The following SNX10 variants were observed in gnomAD, a reference collection of about 807,000 sequenced individuals.
The protein encoded by SNX10 is sorting nexin 10.
SNX10 carries 25 observed loss-of-function variants against 28.5 expected under a neutral mutation model. That is an observed-to-expected ratio of 0.88 (90% CI 0.64 to 1.22). The LOEUF (loss-of-function observed/expected upper bound fraction) is 1.22, where lower values mean the gene tolerates loss of function less well. SNX10 is among the 50% of genes most tolerant of loss of function. The probability of loss-of-function intolerance (pLI) is 0.00; values close to 1 mark genes in which losing one functional copy is unlikely to be tolerated. For missense variants in SNX10, 223 were observed against 242.6 expected (o/e 0.92, Z 0.54); for synonymous variants, 62 against 81.4 (o/e 0.76, Z 1.28).
chr7:26,361,732 G>C (rs1050774108), intron 3 of SNX10, among the ~76,000 whole-genome samples: 22 of 152,210 alleles, frequency 1.4e-4, no homozygotes, highest in African/African-American at 5.1e-4. Context: ...ACTCATTTCT[G>C]CTGTTGCAGG....
chr7:26,319,935 G>A (rs1025359466), intron 1 of SNX10, among the ~76,000 whole-genome samples: 2 of 151,240 alleles, frequency 1.3e-5, no homozygotes, highest in African/African-American at 4.8e-5. Context: ...ATATCTATAT[G>A]TATATATATG....
chr7:26,320,174 G>C (rs927093148), intron 1 of SNX10, among the ~76,000 whole-genome samples: 3 of 151,672 alleles, frequency 2.0e-5, no homozygotes, highest in African/African-American at 7.3e-5. Flanking sequence ...TAGAGACACG[G>C]TTTCACCTTG....
At chr7:26,371,566 A>G (rs1006916178) in intron 5 of SNX10, among the ~76,000 whole-genome samples, 3 of 152,174 alleles carry the variant, frequency 2.0e-5, no homozygotes, top group African/African-American at 7.2e-5. Flanking sequence ...AATTGAAGAA[A>G]TGTCCTTGAA....
intron 2 of SNX10, among the ~76,000 whole-genome samples, chr7:26,350,645 CCT>C (rs1788560653): frequency 6.7e-6 from 1 of 149,460 alleles, no homozygotes. Context: ...ATTTGTTGTT[CCT>C]CTCTCCCTCC....
chr7:26,346,396 C>T (rs896917172), intron 1 of SNX10, 24 bp from the exon 2 acceptor site: 11 of 1,514,986 alleles, frequency 7.3e-6, no homozygotes, highest in Non-Finnish European at 9.2e-6. Flanking sequence ...CCAAATGACC[C>T]AGTGTGGATA....
intron 1 of SNX10, among the ~76,000 whole-genome samples, chr7:26,325,325 A>T (rs1176314172): frequency 8.4e-6 from 1 of 119,092 alleles, no homozygotes; most frequent in Non-Finnish European, 1.8e-5. Flanking sequence ...ATATATATAT[A>T]TATTTGAGAT....
At chr7:26,316,258 A>T (rs931489364) in intron 1 of SNX10, among the ~76,000 whole-genome samples, 1 of 151,984 alleles carries the variant, frequency 6.6e-6, no homozygotes, top group East Asian at 1.9e-4. Flanking sequence ...ACAACTTTGG[A>T]TTCTTGGTCT....
At chr7:26,320,527 G>A (rs529264310) in intron 1 of SNX10, among the ~76,000 whole-genome samples, 2 of 152,104 alleles carry the variant, frequency 1.3e-5, no homozygotes, top group African/African-American at 4.8e-5. Flanking sequence ...TGCTTCCCGG[G>A]TCCAAGTGAT....
chr7:26,336,076 T>C (rs567690537), intron 1 of SNX10, among the ~76,000 whole-genome samples: 2 of 152,324 alleles, frequency 1.3e-5, no homozygotes, highest in Non-Finnish European at 2.9e-5. Flanking sequence ...TGATTTTTTT[T>C]ATTTAAATAG....
At chr7:26,355,431 A>G (rs1265303813) in intron 2 of SNX10, among the ~76,000 whole-genome samples, 1 of 152,166 alleles carries the variant, frequency 6.6e-6, no homozygotes, top group African/African-American at 2.4e-5. Flanking sequence ...TCTCTTTACT[A>G]TGTTGCGTCT....
intron 2 of SNX10, among the ~76,000 whole-genome samples, chr7:26,354,679 C>T (rs114104293): frequency 3.3e-3 from 411 of 125,440 alleles, no homozygotes; most frequent in African/African-American, 0.012. Context: ...CCTCACCCGT[C>T]TGATAGTTTT....
At chr7:26,303,556 C>G (rs910095149) in intron 1 of SNX10, among the ~76,000 whole-genome samples, 2 of 152,200 alleles carry the variant, frequency 1.3e-5, no homozygotes, top group Non-Finnish European at 2.9e-5. Flanking sequence ...CTTTCCTCTA[C>G]TCATCTGGCC....
chr7:26,317,334 C>A (rs1229771739), intron 1 of SNX10, among the ~76,000 whole-genome samples: 3 of 152,062 alleles, frequency 2.0e-5, no homozygotes, highest in African/African-American at 4.8e-5. Context: ...TCCAGCATTG[C>A]CCTTGAGCAC....
chr7:26,354,517 A>G (rs1320367358), intron 2 of SNX10, among the ~76,000 whole-genome samples: 2 of 152,064 alleles, frequency 1.3e-5, no homozygotes, highest in Non-Finnish European at 2.9e-5. Context: ...CACTCAGCTA[A>G]TTTTTAATTA....
At chr7:26,359,625 A>G (rs1428512002) in intron 2 of SNX10, among the ~76,000 whole-genome samples, 1 of 152,172 alleles carries the variant, frequency 6.6e-6, no homozygotes, top group Non-Finnish European at 1.5e-5. Flanking sequence ...TTTTTAAACT[A>G]AACCTATTTA....
intron 2 of SNX10, among the ~76,000 whole-genome samples, chr7:26,353,442 T>A (rs1788687162): frequency 2.5e-5 from 2 of 80,708 alleles, no homozygotes; most frequent in East Asian, 6.2e-4. Context: ...AAATGCTTTT[T>A]TTTTTTTTTT....
At chr7:26,316,045 G>A (rs746030457) in intron 1 of SNX10, among the ~76,000 whole-genome samples, 26 of 151,764 alleles carry the variant, frequency 1.7e-4, no homozygotes, top group Non-Finnish European at 3.1e-4. Flanking sequence ...CTAGCCGGGC[G>A]TGGTGGCAGG....
chr7:26,368,771 A>T (rs76331322), intron 5 of SNX10, among the ~76,000 whole-genome samples: 2 of 152,202 alleles, frequency 1.3e-5, no homozygotes, highest in Non-Finnish European at 2.9e-5. Flanking sequence ...AATGTCTTCA[A>T]TGAAGATTTG....
At chr7:26,295,064 C>G (rs1786059012) in intron 1 of SNX10, among the ~76,000 whole-genome samples, 1 of 152,192 alleles carries the variant, frequency 6.6e-6, no homozygotes, top group Admixed American at 6.5e-5. Context: ...ACAAGTGATT[C>G]AACTTTACTC....
Sources: allele counts gnomAD v4.1 joint callset (sites outside exome capture counted in the v4.1 genomes callset), GRCh38; gene constraint gnomAD v4.1.1; transcripts MANE v1.5; gene names NCBI Gene and HGNC (gene_info 2026-07-23, HGNC 2026-07-21).